Variants in MICAL3 observed in about 807,000 individuals in gnomAD.
The protein encoded by MICAL3 is microtubule associated monooxygenase, calponin and LIM domain containing 3.
In MICAL3, 62 loss-of-function variants were observed where a neutral mutation model predicts 207.4. The observed-to-expected ratio is 0.30, with a 90% CI of 0.24 to 0.37. The LOEUF is 0.37. MICAL3 is among the 10% of genes least tolerant of loss of function. The pLI, the probability that MICAL3 is intolerant of heterozygous loss-of-function variation, is 1.00. For synonymous variants in MICAL3, 1,077 were observed against 1,069.3 expected, an observed-to-expected ratio of 1.01 and a Z score of -0.14; for missense variants, 2,368 against 2,635.6, an observed-to-expected ratio of 0.90 and a Z score of 2.22.
chr22:17,839,115 A>G (rs1923712435), intron 20 of MICAL3, among the ~76,000 whole-genome samples: 1 of 148,148 alleles, frequency 6.8e-6, no homozygotes. Context: ...GCAGGTCCGG[A>G]TAATTTTCAT....
intron 27 of MICAL3, chr22:17,815,174 G>C (rs1409264959): frequency 6.6e-6 from 1 of 152,450 alleles, no homozygotes; most frequent in Non-Finnish European, 1.5e-5. Context: ...TCCATGACTG[G>C]TGTCCATGGC....
rs561582696 is a variant in MICAL3, at chr22:17,796,501, C to T, written c.5651-5200G>A. 1.3e-5 allele frequency among the ~76,000 whole-genome samples: 2 copies of T among 152,348 alleles called. No individual in the cohort carries two copies. The highest frequency in any genetic ancestry group is 1.9e-4 in the East Asian group (1 of 5,188). ...GCAAATTCAAATGAGGGTTCTGAGGCTCAACGGAGTTAAGTGTGGCAGAGC... is the reference window on the plus strand; with the variant it reads ...GCAAATTCAAATGAGGGTTCTGAGGTTCAACGGAGTTAAGTGTGGCAGAGC... On this transcript the variant is annotated intron_variant, in intron 29 of 31. Transcript: ENST00000441493. This position sits in a 1 kb window ranked among gnomAD's most constrained non-coding sequence, Gnocchi z 4.4.
intron 1 of MICAL3, among the ~76,000 whole-genome samples, chr22:17,966,314 C>G (rs913601086): frequency 5.3e-5 from 8 of 152,126 alleles, no homozygotes; most frequent in African/African-American, 1.9e-4. Flanking sequence ...GGGTGTGGTT[C>G]CCCACACCTG....
chr22:17,951,858 G>A (rs773416224), intron 1 of MICAL3, among the ~76,000 whole-genome samples: 19 of 152,060 alleles, frequency 1.2e-4, no homozygotes, highest in Middle Eastern at 3.4e-3. Context: ...CACCACACCC[G>A]GTTAATTTTT....
At chr22:17,852,988 T>A (rs1925496766) in intron 19 of MICAL3, among the ~76,000 whole-genome samples, 1 of 151,584 alleles carries the variant, frequency 6.6e-6, no homozygotes. Flanking sequence ...GGCAGGAGAA[T>A]CGCTTGAACC....
intron 29 of MICAL3, among the ~76,000 whole-genome samples, chr22:17,808,268 G>T (rs979855143): frequency 6.6e-6 from 1 of 152,236 alleles, no homozygotes; most frequent in South Asian, 2.1e-4. Flanking sequence ...GCTCCACGTC[G>T]GCTGGTCACA....
At chr22:17,970,694 C>A (rs1569151966) in intron 1 of MICAL3, among the ~76,000 whole-genome samples, 1 of 152,158 alleles carries the variant, frequency 6.6e-6, no homozygotes, top group Admixed American at 6.6e-5. Flanking sequence ...TAAACAGGTC[C>A]TTGAATTGGG....
chr22:17,831,144 G>A (rs1922758908), intron 21 of MICAL3, among the ~76,000 whole-genome samples: 1 of 152,098 alleles, frequency 6.6e-6, no homozygotes, highest in South Asian at 2.1e-4. Flanking sequence ...TCTATCTTTT[G>A]GGGACTCAGA....
chr22:17,841,799 GC>G lies in MICAL3; in HGVS notation c.2801+22del. On this transcript the variant is annotated intron_variant, in intron 20 of 31. Coordinates refer to ENST00000441493, the MANE Select transcript of MICAL3 (RefSeq NM_015241.3). The surrounding 1 kb of genome is among the most constrained non-coding windows in gnomAD (Gnocchi z 4.2). ...TCTTAGGGCCGTGTGGCGGGTGGGC[GC>G]CCTGCAGCCCTGCGTGCTGACCTGC... is the stretch of plus-strand genomic sequence containing the variant. The G allele has an allele frequency of 6.5e-7, 1 of 1,539,208 alleles. No homozygotes were observed.
At chr22:17,800,975 C>T (rs2061931188) in intron 29 of MICAL3, among the ~76,000 whole-genome samples, 1 of 152,064 alleles carries the variant, frequency 6.6e-6, no homozygotes, top group East Asian at 1.9e-4. Flanking sequence ...GGGGAACGTC[C>T]CCTTCAAGCA....
chr22:17,891,307 C>T (rs1379866523), intron 12 of MICAL3, among the ~76,000 whole-genome samples, 178 bp downstream of exon 12: 2 of 152,170 alleles, frequency 1.3e-5, no homozygotes, highest in East Asian at 3.9e-4. Flanking sequence ...CTGGGTTGAG[C>T]TATATAATAC....
At chr22:17,831,770 G>T (rs1922834894) in intron 21 of MICAL3, 84 bp downstream of exon 21, 1 of 1,496,478 alleles carries the variant, frequency 6.7e-7, no homozygotes, top group Non-Finnish European at 8.9e-7. Flanking sequence ...TGTGACGTCA[G>T]CCCCAGAAAC....
intron 1 of MICAL3, among the ~76,000 whole-genome samples, chr22:17,934,303 A>G (rs556599477): frequency 1.3e-5 from 2 of 152,364 alleles, no homozygotes; most frequent in Admixed American, 1.3e-4. Flanking sequence ...CTGGTTCAAC[A>G]TATGCAAATC....
At chr22:17,860,176 A>T in intron 19 of MICAL3, 1 of 975,400 alleles carries the variant, frequency 1.0e-6, no homozygotes, top group Non-Finnish European at 1.2e-6. Flanking sequence ...TTTGGAATTT[A>T]TTCTCTTAAA....
At position 17,871,200 on chromosome 22, in the gene MICAL3, G is replaced by A. The variant is rs542236193; in HGVS notation, c.2428+637C>T. Reference sequence around the variant, plus strand: ...CTCTGCCCATCACGATGGCTCTATCGTCTGTGTGCAGAATTCTCTACTGTT... The same window carrying A: ...CTCTGCCCATCACGATGGCTCTATCATCTGTGTGCAGAATTCTCTACTGTT... On this transcript the variant is annotated intron_variant, in intron 17 of 31. Coordinates refer to ENST00000441493, the MANE Select transcript of MICAL3 (RefSeq NM_015241.3). 1.2e-3 allele frequency among the ~76,000 whole-genome samples: 176 copies of A among 152,288 alleles called. No homozygotes were observed. The South Asian group carries it at 0.034, about 29-fold the overall frequency.
intron 1 of MICAL3, among the ~76,000 whole-genome samples, chr22:17,946,857 C>T (rs572539707): frequency 4.6e-5 from 7 of 152,296 alleles, no homozygotes; most frequent in African/African-American, 1.4e-4. Flanking sequence ...GTCTTTCCTG[C>T]CCTCTTCCCT....
chr22:17,879,618 C>T (rs538712791), intron 16 of MICAL3, among the ~76,000 whole-genome samples: 6 of 152,240 alleles, frequency 3.9e-5, no homozygotes, highest in South Asian at 2.1e-4. Context: ...CACTGGCCTC[C>T]GACGAGGCCA....
chr22:17,818,188 G>C lies in MICAL3; in HGVS notation c.4473C>G (p.Pro1491=). 6.4e-7 allele frequency: 1 copy of C among 1,568,664 alleles called. No homozygotes were observed. Among genetic ancestry groups the C allele is most frequent in the Non-Finnish European group, 8.6e-7 (1 of 1,162,722 alleles). The change falls in exon 26 of 32, where the codon CCC becomes CCG. Residue 1491 remains proline (P), a synonymous_variant. Transcript: ENST00000441493. ...PNASVVPPPL[P]ATWMRPPREP... is the part of the protein sequence containing the mutation. The stretch of plus-strand genomic sequence containing the variant: ...CCCGGGGGGGCCGCATCCAGGTGGC[G>C]GGCAAGGGCGGCGGGACCACCGAGG...
chr22:17,872,642 G>A lies in MICAL3; in HGVS notation c.2242-619C>T, dbSNP rs138258411. ...CCAGACAACCTCAAAAGCAATTACCGCATAGCATACACGGGCTATGCAAGC... is the reference window on the plus strand; with the variant it reads ...CCAGACAACCTCAAAAGCAATTACCACATAGCATACACGGGCTATGCAAGC... On this transcript the variant is annotated intron_variant, in intron 16 of 31. Transcript: ENST00000441493. 4.6e-4 allele frequency: 340 copies of A among 731,504 alleles called. 2 individuals are homozygous for A. In the East Asian group the frequency reaches 6.2e-3, roughly 13 times the overall value. 45.3% of individuals were successfully genotyped at this position (731,504 alleles called of 1,614,324 possible).
Sources: gnomAD v4.1 joint callset for allele counts (sites outside exome capture counted in the v4.1 genomes callset) on GRCh38, gnomAD v4.1.1 for gene constraint, Gnocchi (gnomAD v3.1) non-coding constraint, MANE v1.5 for transcripts, NCBI Gene and HGNC (gene_info 2026-07-23, HGNC 2026-07-21) for gene names.